The following BANK1 variants were observed in gnomAD, a reference collection of about 807,000 sequenced individuals.
The protein encoded by BANK1 is B cell scaffold protein with ankyrin repeats 1, also known as B-cell scaffold protein with ankyrin repeats.
A neutral mutation model predicts 94.5 loss-of-function variants in BANK1; 95 were observed. The observed-to-expected ratio is 1.00, with a 90% CI of 0.85 to 1.19. The LOEUF (loss-of-function observed/expected upper bound fraction) is 1.19. Ranked by LOEUF, BANK1 falls within the 50% of genes most tolerant of loss-of-function variation. BANK1 has a pLI of 0.00. For synonymous variants in BANK1, 334 were observed against 308.4 expected, an observed-to-expected ratio of 1.08 and a Z score of -0.87; for missense variants, 987 against 932.2, an observed-to-expected ratio of 1.06 and a Z score of -0.77.
chr4:101,969,876 A>G lies in BANK1; in HGVS notation c.1207-51638A>G, dbSNP rs140818441. 8.9e-4 allele frequency among the ~76,000 whole-genome samples: 135 copies of G among 152,266 alleles called. 1 individual carries two copies. Among genetic ancestry groups the G allele is most frequent in the African/African-American group, 3.1e-3 (128 of 41,578 alleles). ...AGGCTAATTTTCAAATAAAATTAAT[A>G]TAATCAGAGATCAGTAAAATTATTT... is the stretch of plus-strand genomic sequence containing the variant. On this transcript the variant is annotated intron_variant, in intron 7 of 16. Coordinates refer to ENST00000322953, the MANE Select transcript of BANK1 (RefSeq NM_017935.5).
At chr4:101,878,899 A>G (rs1578373973) in intron 5 of BANK1, among the ~76,000 whole-genome samples, 1 of 152,256 alleles carries the variant, frequency 6.6e-6, no homozygotes, top group African/African-American at 2.4e-5. Flanking sequence ...AATGTATTGA[A>G]ACAAATGATA....
At chr4:101,972,437 C>G (rs1053609666) in intron 7 of BANK1, 1 of 151,934 alleles carries the variant, frequency 6.6e-6, no homozygotes, top group Non-Finnish European at 1.5e-5. Flanking sequence ...CTCTAAAGAC[C>G]TTATTATTGA....
chr4:101,928,370 C>G (rs1429936172), intron 7 of BANK1, among the ~76,000 whole-genome samples: 2 of 151,498 alleles, frequency 1.3e-5, no homozygotes, highest in East Asian at 3.9e-4. Context: ...ATTCAGTCTC[C>G]AGCTGGTATG....
chr4:101,817,645 A>G (rs1289516538), intron 1 of BANK1, among the ~76,000 whole-genome samples: 1 of 152,132 alleles, frequency 6.6e-6, no homozygotes, highest in Non-Finnish European at 1.5e-5. Context: ...ACGTTTACCT[A>G]TGTAACAAAC....
At chr4:101,980,170 T>A (rs560384016) in intron 7 of BANK1, among the ~76,000 whole-genome samples, 10 of 151,872 alleles carry the variant, frequency 6.6e-5, no homozygotes, top group Non-Finnish European at 1.3e-4. Context: ...ATTAACTATT[T>A]TTTGTGGTTT....
At chr4:101,814,745 G>A (rs1725844159) in intron 1 of BANK1, among the ~76,000 whole-genome samples, 1 of 152,004 alleles carries the variant, frequency 6.6e-6, no homozygotes, top group Non-Finnish European at 1.5e-5. Flanking sequence ...TAACGTTTTT[G>A]TTTAACATTT....
chr4:101,995,012 A>T (rs1578442785), intron 7 of BANK1, among the ~76,000 whole-genome samples: 1 of 152,060 alleles, frequency 6.6e-6, no homozygotes. Context: ...AGTTTGTTGC[A>T]TAGGTATACA....
At chr4:101,857,745 C>T (rs537710780) in intron 3 of BANK1, among the ~76,000 whole-genome samples, 167 of 152,298 alleles carry the variant, frequency 1.1e-3, no homozygotes, top group Non-Finnish European at 2.0e-3. Flanking sequence ...GATATCCCTC[C>T]ATTGTCCTAT....
intron 2 of BANK1, among the ~76,000 whole-genome samples, chr4:101,841,835 C>T (rs1339222330): frequency 7.4e-6 from 1 of 135,860 alleles, no homozygotes; most frequent in East Asian, 2.2e-4. Flanking sequence ...TCCATGTGTT[C>T]TCATTGTTCA....
chr4:101,794,594 T>C (rs1725092063), intron 1 of BANK1, among the ~76,000 whole-genome samples: 1 of 152,130 alleles, frequency 6.6e-6, no homozygotes, highest in Admixed American at 6.6e-5. Flanking sequence ...CCTTTCCTGT[T>C]TTAAATATAA....
chr4:102,049,019 G>C (rs552126497), intron 11 of BANK1, among the ~76,000 whole-genome samples: 60 of 152,202 alleles, frequency 3.9e-4, no homozygotes, highest in Middle Eastern at 3.4e-3. Flanking sequence ...CTAGAAATTA[G>C]AAATTTCTAG....
chr4:101,849,668 G>C (rs1186647722), intron 2 of BANK1, among the ~76,000 whole-genome samples: 1 of 152,072 alleles, frequency 6.6e-6, no homozygotes, highest in African/African-American at 2.4e-5. Context: ...ATTTGTGTGT[G>C]TGTATATATA....
At chr4:101,978,664 C>T (rs573297850) in intron 7 of BANK1, among the ~76,000 whole-genome samples, 25 of 151,492 alleles carry the variant, frequency 1.7e-4, no homozygotes, top group Non-Finnish European at 2.8e-4. Context: ...AGTGACCGAC[C>T]GTAATTTGTC....
At chr4:101,933,397 T>C (rs1177639924) in intron 7 of BANK1, among the ~76,000 whole-genome samples, 2 of 150,474 alleles carry the variant, frequency 1.3e-5, no homozygotes, top group African/African-American at 4.9e-5. Context: ...AAGAAAAGCA[T>C]ATTAAAGGGG....
chr4:101,962,735 C>T (rs528409984), intron 7 of BANK1, among the ~76,000 whole-genome samples: 2 of 151,944 alleles, frequency 1.3e-5, no homozygotes, highest in East Asian at 1.9e-4. Context: ...GATATACATT[C>T]GTTTCTATTT....
At chr4:102,053,058 G>C (rs752909193) in intron 11 of BANK1, among the ~76,000 whole-genome samples, 59 of 152,144 alleles carry the variant, frequency 3.9e-4, no homozygotes, top group Admixed American at 1.1e-3. Flanking sequence ...ACTCACACTA[G>C]GTGAAAATAA....
Position 101,993,731 on chromosome 4 carries a change from C to T in BANK1, c.1207-27783C>T, listed in dbSNP as rs758817851. Among the ~76,000 whole-genome samples the T allele has an allele frequency of 7.2e-5, 11 of 152,294 alleles. No homozygotes were observed. In the South Asian group the frequency reaches 8.3e-4, roughly 11 times the overall value. ...GAATCCTGGGCAGGGCGTTTGATTA[C>T]GGAGAATATTCCTTTATTTCTGCCA... On this transcript the variant is annotated intron_variant, in intron 7 of 16. Transcript: ENST00000322953.
chr4:102,002,690 G>T (rs183986318), intron 7 of BANK1, among the ~76,000 whole-genome samples: 1 of 152,038 alleles, frequency 6.6e-6, no homozygotes, highest in East Asian at 1.9e-4. Context: ...ACAGCTTTCG[G>T]CCTCAGAATC....
chr4:102,027,436 T>A (rs1727141377), intron 9 of BANK1, among the ~76,000 whole-genome samples: 1 of 152,162 alleles, frequency 6.6e-6, no homozygotes, highest in Non-Finnish European at 1.5e-5. Context: ...AAAAACCCTA[T>A]TTTTACATTT....
Sources: gnomAD v4.1 joint callset for allele counts (sites outside exome capture counted in the v4.1 genomes callset) on GRCh38, gnomAD v4.1.1 for gene constraint, MANE v1.5 for transcripts, NCBI Gene and HGNC (gene_info 2026-07-23, HGNC 2026-07-21) for gene names.